Variants in C6 observed in about 807,000 individuals in gnomAD.
The protein encoded by C6 is complement C6.
A neutral mutation model predicts 112.9 loss-of-function variants in C6; 101 were observed. The ratio of observed to expected loss-of-function variants is 0.89; its 90% CI spans 0.76 to 1.06. The LOEUF (loss-of-function observed/expected upper bound fraction) is 1.06, where lower values mean the gene tolerates loss of function less well. Ranked by LOEUF, C6 falls within the 50% of genes least tolerant of loss-of-function variation. C6 has a pLI of 0.00. For missense variants in C6, 1,202 were observed against 1,104.6 expected (o/e 1.09, Z -1.25); for synonymous variants, 431 against 384.1 (o/e 1.12, Z -1.43).
At chr5:41,161,190 T>TA (rs1369070116) in intron 10 of C6, among the ~76,000 whole-genome samples, 1 of 152,210 alleles carries the variant, frequency 6.6e-6, no homozygotes, top group Non-Finnish European at 1.5e-5. Context: ...ATATGGCTGA[T>TA]ACGTGGGTAA....
intron 1 of C6, among the ~76,000 whole-genome samples, chr5:41,235,166 G>A (rs1899950): frequency 0.16 from 22,389 of 138,890 alleles, 2,248 homozygotes; most frequent in South Asian, 0.32. Context: ...ATGCTGGTGC[G>A]CTGCACCCAC....
Position 41,206,404 on chromosome 5 carries a change from C to T in C6, c.-20-3154G>A, listed in dbSNP as rs533631266. Among the ~76,000 whole-genome samples the T allele has an allele frequency of 1.2e-3, 180 of 152,186 alleles. No homozygotes were observed. In the South Asian group the frequency reaches 0.02, roughly 17 times the overall value. On this transcript the variant is annotated intron_variant, in intron 1 of 17. Transcript: ENST00000337836. Reference sequence around the variant, plus strand: ...CCAGCTGAGAGAAGAAGGCTTCAGACGATTGGTAATAACAGACTTCTCTGA... The same window carrying T: ...CCAGCTGAGAGAAGAAGGCTTCAGATGATTGGTAATAACAGACTTCTCTGA...
Position 41,195,806 on chromosome 5 carries a change from C to T in C6, c.573G>A (p.Gln191=), listed in dbSNP as rs1246336715. ...ATGTTACATACCCATTGCCCATCAACTGTACACTAGGGATGGGATTATACT... is the reference window on the plus strand; with the variant it reads ...ATGTTACATACCCATTGCCCATCAATTGTACACTAGGGATGGGATTATACT... The part of the protein sequence containing the change: ...TRKYNPIPSV[Q]LMGNGFHFLA... Residue 191 remains glutamine (Q), a synonymous_variant, in exon 5 of 18, where the codon CAG becomes CAA. Transcript: ENST00000337836. The T allele has an allele frequency of 1.2e-6, 2 of 1,613,894 alleles. No individual in the cohort carries two copies. Among genetic ancestry groups the T allele is most frequent in the South Asian group, 2.2e-5 (2 of 91,084 alleles).
chr5:41,176,592 A>G lies in C6; in HGVS notation c.1051T>C (p.Ser351Pro), dbSNP rs745742407. 2 of 1,613,962 alleles carry G rather than the reference A, an allele frequency of 1.2e-6. No individual in the cohort carries two copies. Among genetic ancestry groups the G allele is most frequent in the South Asian group, 2.2e-5 (2 of 91,078 alleles). Residue 351 changes from serine (S) to proline (P), a missense_variant, in exon 8 of 18, where the codon TCT (serine) becomes CCT (proline). Transcript: ENST00000337836. The part of the protein sequence containing the change: ...ALNHLPLEYN[S>P]ALYSRIFDDF... The stretch of plus-strand genomic sequence containing the variant: ...TCGAATATTCGGCTGTACAAAGCAG[A>G]GTTGTATTCTAGAGGCAGATGGTTA...
At chr5:41,213,606 A>G (rs944982227), upstream of C6, 19 of 959,386 alleles carry the variant, frequency 2.0e-5, no homozygotes, top group African/African-American at 3.5e-5. Context: ...ACCAATCAGT[A>G]GTAACCCTGA....
chr5:41,163,576 G>A (rs968665317), intron 9 of C6, among the ~76,000 whole-genome samples: 2 of 152,158 alleles, frequency 1.3e-5, no homozygotes, highest in African/African-American at 4.8e-5. Context: ...CTCCCAAAGT[G>A]CTGGGATTAC....
intron 1 of C6, among the ~76,000 whole-genome samples, chr5:41,218,737 A>AAAT (rs1738982402): frequency 6.6e-6 from 1 of 152,136 alleles, no homozygotes; most frequent in East Asian, 1.9e-4. Context: ...TGGGACTTAG[A>AAAT]AATACTATTT....
At chr5:41,227,522 T>C (rs1290630913) in intron 1 of C6, among the ~76,000 whole-genome samples, 1 of 152,066 alleles carries the variant, frequency 6.6e-6, no homozygotes, top group Non-Finnish European at 1.5e-5. Context: ...TCCAAAAAAA[T>C]CATTGCCCAG....
intron 1 of C6, among the ~76,000 whole-genome samples, chr5:41,209,595 C>G (rs1751727361): frequency 6.6e-6 from 1 of 152,158 alleles, no homozygotes; most frequent in African/African-American, 2.4e-5. Flanking sequence ...AGAGCCAAAT[C>G]ATGGTAAACT....
chr5:41,221,678 T>A (rs1739173338), intron 1 of C6, among the ~76,000 whole-genome samples: 1 of 152,158 alleles, frequency 6.6e-6, no homozygotes, highest in Admixed American at 6.6e-5. Flanking sequence ...GAGAATTAAA[T>A]AAAAGCAGTG....
Position 41,176,691 on chromosome 5 carries a change from T to C in C6, c.952A>G (p.Lys318Glu). 3 of 1,611,948 alleles carry C rather than the reference T, an allele frequency of 1.9e-6. No homozygotes were observed. The highest frequency in any genetic ancestry group is 2.5e-6 in the Non-Finnish European group (3 of 1,178,526). ...KKDSSFIRIHKVMKVLNFTTK... is the reference protein window; with the variant it reads ...KKDSSFIRIHEVMKVLNFTTK... Reference sequence around the variant, plus strand: ...GTGAAGTTTAAGACTTTCATCACTTTATGGATCCTAATAAAACTAGAATCC... The same window carrying C: ...GTGAAGTTTAAGACTTTCATCACTTCATGGATCCTAATAAAACTAGAATCC... The change falls in exon 8 of 18, where the codon AAA becomes GAA. Residue 318 changes from lysine to glutamate, a missense_variant. Transcript: ENST00000337836.
intron 5 of C6, among the ~76,000 whole-genome samples, chr5:41,193,268 T>A (rs1176557882): frequency 6.6e-6 from 1 of 152,166 alleles, no homozygotes; most frequent in Non-Finnish European, 1.5e-5. Flanking sequence ...GTGGAGAACC[T>A]GAAGATAGGA....
intron 3 of C6, 51 bp downstream of exon 3, chr5:41,201,507 A>G: frequency 1.9e-6 from 3 of 1,548,372 alleles, no homozygotes; most frequent in Non-Finnish European, 1.8e-6. Flanking sequence ...TCAGGGAATC[A>G]GAGCCCTCTA....
intron 1 of C6, among the ~76,000 whole-genome samples, chr5:41,211,318 C>CATGGAAT (rs1751906568): frequency 6.6e-6 from 1 of 151,116 alleles, no homozygotes; most frequent in Non-Finnish European, 1.5e-5. Flanking sequence ...AGTACACCAA[C>CATGGAAT]ATGGCATATG....
chr5:41,170,062 A>T (rs1391129143), intron 9 of C6, among the ~76,000 whole-genome samples: 1 of 152,156 alleles, frequency 6.6e-6, no homozygotes, highest in African/African-American at 2.4e-5. Flanking sequence ...ATTTCCCTGT[A>T]TATAATCAAG....
chr5:41,195,929 G>A lies in C6; in HGVS notation c.450C>T (p.Arg150=), dbSNP rs1037836553. 1 of 1,613,664 alleles carries A rather than the reference G, an allele frequency of 6.2e-7. No individual in the cohort carries two copies. Among genetic ancestry groups the A allele is most frequent in the Non-Finnish European group, 8.5e-7 (1 of 1,179,896 alleles). ...CKNKFRCDSG[R]CIARKLECNG... Reference sequence around the variant, plus strand: ...TGCATTCTAACTTTCTGGCAATGCAGCGGCCTAGTCAAGAAAAGCAAACAA... The same window carrying A: ...TGCATTCTAACTTTCTGGCAATGCAACGGCCTAGTCAAGAAAAGCAAACAA... The change falls in exon 5 of 18, where the codon CGC becomes CGT. Residue 150 remains arginine (R), a synonymous_variant. Coordinates refer to ENST00000337836, the MANE Select transcript of C6 (RefSeq NM_000065.5).
At chr5:41,247,713 A>C (rs149342085) in intron 1 of C6, among the ~76,000 whole-genome samples, 1 of 148,778 alleles carries the variant, frequency 6.7e-6, no homozygotes, top group East Asian at 2.0e-4. Context: ...GTGAGACTCC[A>C]TCTCAGAAAA....
upstream of C6, among the ~76,000 whole-genome samples, chr5:41,217,382 G>A (rs1015233801): frequency 6.6e-6 from 1 of 151,994 alleles, no homozygotes; most frequent in Non-Finnish European, 1.5e-5. Flanking sequence ...CTTTATATTT[G>A]ATAAACATAA....
intron 5 of C6, among the ~76,000 whole-genome samples, chr5:41,189,496 C>A (rs541880689): frequency 2.3e-4 from 35 of 151,902 alleles, no homozygotes; most frequent in Non-Finnish European, 4.3e-4. Context: ...TTTAATATTA[C>A]ATTTTTAAAA....
Sources: allele counts gnomAD v4.1 joint callset (sites outside exome capture counted in the v4.1 genomes callset), GRCh38; gene constraint gnomAD v4.1.1; transcripts MANE v1.5; gene names NCBI Gene and HGNC (gene_info 2026-07-23, HGNC 2026-07-21).